Variants in SFXN5 observed in about 807,000 individuals in gnomAD.
SFXN5 encodes the protein sideroflexin-5.
Under a neutral mutation model 50.2 loss-of-function variants are expected in SFXN5, and 43 were observed. The ratio of observed to expected loss-of-function variants is 0.86; its 90% CI spans 0.67 to 1.11. The LOEUF (loss-of-function observed/expected upper bound fraction) is 1.11, where lower values mean the gene tolerates loss of function less well. Among genes scored for constraint, SFXN5 ranks in the 50% least tolerant of loss-of-function variants. The pLI is 0.00. For synonymous variants in SFXN5, 203 were observed against 185.8 expected (o/e 1.09, Z -0.75); for missense variants, 463 against 454.1 (o/e 1.02, Z -0.18).
intron 6 of SFXN5, among the ~76,000 whole-genome samples, chr2:73,013,960 T>C (rs1400563013): frequency 6.6e-6 from 1 of 152,170 alleles, no homozygotes; most frequent in East Asian, 1.9e-4. Context: ...ATAAACTATA[T>C]ATAATATTGC....
intron 6 of SFXN5, among the ~76,000 whole-genome samples, chr2:73,004,331 A>G (rs1226765758): frequency 2.0e-5 from 3 of 151,626 alleles, no homozygotes; most frequent in Non-Finnish European, 2.9e-5. Context: ...ACACACACAC[A>G]CACACACACA....
chr2:72,993,836 C>T (rs1478151009), intron 9 of SFXN5, among the ~76,000 whole-genome samples: 6 of 152,150 alleles, frequency 3.9e-5, no homozygotes, highest in Non-Finnish European at 5.9e-5. Context: ...GTCTTATAGG[C>T]GGCAGGGCAT....
intron 6 of SFXN5, among the ~76,000 whole-genome samples, chr2:73,007,746 T>A (rs1405890762): frequency 2.6e-5 from 4 of 152,186 alleles, no homozygotes; most frequent in Admixed American, 6.5e-5. Context: ...TGGGCCGCAG[T>A]ACCCCAACAC....
At chr2:73,058,828 G>A (rs889037282) in intron 1 of SFXN5, among the ~76,000 whole-genome samples, 2 of 152,066 alleles carry the variant, frequency 1.3e-5, no homozygotes, top group Admixed American at 1.3e-4. Context: ...AGGCCCATCT[G>A]CTCTTCCAGG....
chr2:73,030,612 C>A (rs189975038), intron 3 of SFXN5, among the ~76,000 whole-genome samples: 1 of 152,300 alleles, frequency 6.6e-6, no homozygotes, highest in East Asian at 1.9e-4. Flanking sequence ...AGCTTCCCAA[C>A]CTGAAACTCT....
At chr2:72,979,049 C>G (rs906906122) in intron 10 of SFXN5, among the ~76,000 whole-genome samples, 9 of 152,108 alleles carry the variant, frequency 5.9e-5, no homozygotes, top group African/African-American at 2.2e-4. Flanking sequence ...TATGTATTAA[C>G]ATAAATAAAT....
intron 10 of SFXN5, among the ~76,000 whole-genome samples, chr2:72,975,011 CA>C (rs1162484573): frequency 6.6e-6 from 1 of 152,190 alleles, no homozygotes; most frequent in African/African-American, 2.4e-5. Context: ...GGCACATTTT[CA>C]ACTCAGATTG....
intron 10 of SFXN5, among the ~76,000 whole-genome samples, chr2:72,978,313 C>T (rs1269470461): frequency 1.6e-4 from 23 of 147,276 alleles, no homozygotes; most frequent in African/African-American, 5.0e-4. Flanking sequence ...GATGGAGTCT[C>T]ACTCTGACAC....
chr2:73,011,521 A>T (rs1456324191), intron 6 of SFXN5, among the ~76,000 whole-genome samples: 3 of 152,208 alleles, frequency 2.0e-5, no homozygotes. Context: ...CATATATATA[A>T]TCCAAAGGAT....
At chr2:73,002,942 G>A (rs1048794315) in intron 6 of SFXN5, among the ~76,000 whole-genome samples, 1 of 152,210 alleles carries the variant, frequency 6.6e-6, no homozygotes, top group Non-Finnish European at 1.5e-5. Context: ...CTTAAACTAT[G>A]AAAGTGAAGG....
chr2:72,970,375 C>T (rs936475946), intron 11 of SFXN5, among the ~76,000 whole-genome samples: 1 of 152,192 alleles, frequency 6.6e-6, no homozygotes, highest in Non-Finnish European at 1.5e-5. Flanking sequence ...GATGCAATGT[C>T]GGCATGACAC....
chr2:72,990,394 T>C (rs1312503387), intron 9 of SFXN5, among the ~76,000 whole-genome samples: 1 of 152,028 alleles, frequency 6.6e-6, no homozygotes, highest in Non-Finnish European at 1.5e-5. Context: ...GCCACATGAA[T>C]AGAATTCATC....
intron 13 of SFXN5, among the ~76,000 whole-genome samples, chr2:72,958,723 A>C (rs59879863): frequency 0.17 from 25,954 of 151,718 alleles, 6,666 homozygotes; most frequent in African/African-American, 0.56. Flanking sequence ...CTTCAGGGCT[A>C]CTAGGCAACC....
At chr2:72,977,225 C>T (rs978039986) in intron 10 of SFXN5, among the ~76,000 whole-genome samples, 1 of 152,168 alleles carries the variant, frequency 6.6e-6, no homozygotes, top group Non-Finnish European at 1.5e-5. Flanking sequence ...AGCAACACTG[C>T]GGGAAGCACC....
intron 2 of SFXN5, chr2:73,049,197 G>A (rs994366718): frequency 3.9e-5 from 6 of 152,248 alleles, no homozygotes; most frequent in African/African-American, 1.2e-4. Context: ...TATCTGGTGA[G>A]GGCATCTTTC....
intron 2 of SFXN5, among the ~76,000 whole-genome samples, chr2:73,043,235 G>C (rs1377978389): frequency 2.0e-5 from 3 of 152,250 alleles, no homozygotes; most frequent in African/African-American, 7.2e-5. Flanking sequence ...TTTTGATGGA[G>C]AGATGAGACT....
chr2:73,023,860 T>C (rs1037848713), intron 3 of SFXN5, among the ~76,000 whole-genome samples: 2 of 152,188 alleles, frequency 1.3e-5, no homozygotes, highest in Non-Finnish European at 1.5e-5. Flanking sequence ...TCCTTTCAAA[T>C]GCTGATGAGG....
At chr2:72,977,607 A>G (rs948716344) in intron 10 of SFXN5, among the ~76,000 whole-genome samples, 14 of 152,138 alleles carry the variant, frequency 9.2e-5, no homozygotes, top group Admixed American at 8.5e-4. Flanking sequence ...TTCTCACAAC[A>G]TGGTGCCTTC....
Position 72,944,921 on chromosome 2 carries a change from G to A in SFXN5, c.*101C>T, listed in dbSNP as rs1449921097. The A allele has an allele frequency of 7.5e-6, 8 of 1,069,768 alleles. No homozygotes were observed. Among genetic ancestry groups the A allele is most frequent in the Non-Finnish European group, 1.1e-5 (8 of 721,594 alleles). The allele number at this position is 1,069,768 out of a possible 1,614,324, so 66.3% of individuals were successfully genotyped here. On this transcript the variant is annotated 3_prime_UTR_variant, in exon 14 of 14. Coordinates refer to ENST00000272433, the MANE Select transcript of SFXN5 (RefSeq NM_144579.3). ...TCTCCCAGGGGGCCCAGGACTGCTG[G>A]GGTTGGCGTGCTGCTCCCTGCAGGT...
Sources: gnomAD v4.1 joint callset for allele counts (sites outside exome capture counted in the v4.1 genomes callset) on GRCh38, gnomAD v4.1.1 for gene constraint, MANE v1.5 for transcripts, NCBI Gene and HGNC (gene_info 2026-07-23, HGNC 2026-07-21) for gene names.